PCDHGB2: variants seen among roughly 807,000 people sequenced by gnomAD.
The protein encoded by PCDHGB2 is protocadherin gamma subfamily B, 2.
In PCDHGB2, 55 loss-of-function variants were observed where a neutral mutation model predicts 59.3. That is an observed-to-expected ratio of 0.93 (90% CI 0.75 to 1.16). The LOEUF is 1.16. Ranked by LOEUF, PCDHGB2 falls within the 50% of genes most tolerant of loss-of-function variation. The pLI, the probability that PCDHGB2 is intolerant of heterozygous loss-of-function variation, is 0.00. For synonymous variants in PCDHGB2, 516 were observed against 512.0 expected (o/e 1.01, Z -0.11); for missense variants, 1,228 against 1,198.5 (o/e 1.02, Z -0.36).
chr5:141,427,810 G>T, intron 1 of PCDHGB2: 1 of 1,523,990 alleles, frequency 6.6e-7, no homozygotes, highest in Non-Finnish European at 9.0e-7. Flanking sequence ...AGCGCACAGA[G>T]CGGGGTGGTG....
At chr5:141,510,910 A>T (rs780792326) in intron 3 of PCDHGB2, 37 bp from the exon 4 acceptor site, 1 of 1,613,740 alleles carries the variant, frequency 6.2e-7, no homozygotes, top group East Asian at 2.2e-5. Flanking sequence ...GAGGACCCTA[A>T]GTTTAGCTCC....
chr5:141,414,648 T>G (rs2095770464), intron 1 of PCDHGB2: 2 of 1,613,844 alleles, frequency 1.2e-6, no homozygotes, highest in Non-Finnish European at 1.7e-6. Context: ...ATGCCCAGAT[T>G]ATTTACTCCC....
chr5:141,392,759 T>C, intron 1 of PCDHGB2: 1 of 1,473,194 alleles, frequency 6.8e-7, no homozygotes, highest in Non-Finnish European at 9.0e-7. Flanking sequence ...AGAAACTAAA[T>C]AAGACCCATT....
intron 1 of PCDHGB2, chr5:141,389,263 C>G (rs1285877712): frequency 6.2e-7 from 1 of 1,614,028 alleles, no homozygotes; most frequent in Admixed American, 1.7e-5. Flanking sequence ...GTCCACGTGG[C>G]CGAGAACAAC....
intron 1 of PCDHGB2, among the ~76,000 whole-genome samples, chr5:141,472,422 C>T (rs1328468154): frequency 6.6e-6 from 1 of 152,008 alleles, no homozygotes; most frequent in East Asian, 1.9e-4. Flanking sequence ...GCACCTGTAT[C>T]CCAGCTACTA....
intron 1 of PCDHGB2, among the ~76,000 whole-genome samples, chr5:141,459,534 T>G (rs980917458): frequency 1.3e-5 from 2 of 151,990 alleles, no homozygotes; most frequent in African/African-American, 2.4e-5. Flanking sequence ...TGTAGGCATA[T>G]TTTTTTTATT....
intron 1 of PCDHGB2, among the ~76,000 whole-genome samples, chr5:141,456,668 T>G (rs2098874996): frequency 1.3e-5 from 2 of 152,254 alleles, no homozygotes; most frequent in Admixed American, 6.5e-5. Context: ...ATGTTTCATT[T>G]AAAAATGCAT....
Position 141,489,934 on chromosome 5 carries a change from G to A in PCDHGB2, c.2422-4873G>A, listed in dbSNP as rs777780708. 1.7e-5 allele frequency: 28 copies of A among 1,614,176 alleles called. No homozygotes were observed. Among genetic ancestry groups the A allele is most frequent in the East Asian group, 6.7e-5 (3 of 44,876 alleles). On this transcript the variant is annotated intron_variant, in intron 1 of 3. Coordinates refer to ENST00000522605, the MANE Select transcript of PCDHGB2 (RefSeq NM_018923.3). This position sits in a 1 kb window ranked among gnomAD's most constrained non-coding sequence, Gnocchi z 4.5. ...AGGGACCACCCTTATCTCTGTCATCGTGCTGGACATCAATGATAATGCTCC... is the reference window on the plus strand; with the variant it reads ...AGGGACCACCCTTATCTCTGTCATCATGCTGGACATCAATGATAATGCTCC...
intron 1 of PCDHGB2, among the ~76,000 whole-genome samples, chr5:141,406,833 A>G (rs776807611): frequency 3.9e-5 from 6 of 152,238 alleles, no homozygotes; most frequent in Non-Finnish European, 4.4e-5. Flanking sequence ...ATGAACTTGC[A>G]TATCAGATAT....
intron 1 of PCDHGB2, chr5:141,413,604 C>T: frequency 5.6e-6 from 9 of 1,613,818 alleles, no homozygotes; most frequent in Non-Finnish European, 7.6e-6. Flanking sequence ...AAAATCTAGA[C>T]GTAAAAATTA....
At chr5:141,510,272 T>TAA (rs546154379) in intron 3 of PCDHGB2, among the ~76,000 whole-genome samples, 3,403 of 130,344 alleles carry the variant, frequency 0.026, 48 homozygotes, top group East Asian at 0.043. Context: ...GACTCCATCT[T>TAA]AAAAAAAAAA....
At position 141,485,221 on chromosome 5, in the gene PCDHGB2, C is replaced by A; in HGVS notation, c.2422-9586C>A. 4 of 1,614,118 alleles carry A rather than the reference C, an allele frequency of 2.5e-6. No individual in the cohort carries two copies. The highest frequency in any genetic ancestry group is 2.2e-5 in the East Asian group (1 of 44,868). ...GGACAGAAATCTGGCGGTGGGCTAC[C>A]CTTTTGTTCCTCTTTTACCACCTGG... On this transcript the variant is annotated intron_variant, in intron 1 of 3. Coordinates refer to ENST00000522605, the MANE Select transcript of PCDHGB2 (RefSeq NM_018923.3). The surrounding 1 kb of genome is among the most constrained non-coding windows in gnomAD (Gnocchi z 5.7).
In PCDHGB2 at chr5:141,380,448, A is replaced by G. The variant is rs145941690; in HGVS notation, c.2421+17892A>G. Among the ~76,000 whole-genome samples, 6 of 152,354 alleles carry G rather than the reference A, an allele frequency of 3.9e-5. No homozygotes were observed. The East Asian group carries it at 1.2e-3, about 29-fold the overall frequency. ...TAGACTTTACATAGAATTCTTTTTA[A>G]TGCAACCAAACAAATGGTCAGGATT... On this transcript the variant is annotated intron_variant, in intron 1 of 3. Coordinates refer to ENST00000522605, the MANE Select transcript of PCDHGB2 (RefSeq NM_018923.3).
chr5:141,489,253 A>T lies in PCDHGB2; in HGVS notation c.2422-5554A>T. 1 of 1,547,506 alleles carries T rather than the reference A, an allele frequency of 6.5e-7. No individual in the cohort carries two copies. The highest frequency in any genetic ancestry group is 2.3e-5 in the East Asian group (1 of 44,418). ...GGACTTCTGGGTCATGGGGCCCAAG[A>T]CACTCCCACAGCTCGCTGGGAAATG... On this transcript the variant is annotated intron_variant, in intron 1 of 3. Coordinates refer to ENST00000522605, the MANE Select transcript of PCDHGB2 (RefSeq NM_018923.3). This position sits in a 1 kb window ranked among gnomAD's most constrained non-coding sequence, Gnocchi z 4.5.
intron 1 of PCDHGB2, chr5:141,389,481 C>G (rs372276550): frequency 3.7e-5 from 60 of 1,612,962 alleles, no homozygotes; most frequent in African/African-American, 8.0e-5. Flanking sequence ...ACTGCAGGCC[C>G]GCGACCAGGG....
chr5:141,423,525 G>A (rs1014975146), intron 1 of PCDHGB2: 8 of 1,613,710 alleles, frequency 5.0e-6, no homozygotes, highest in African/African-American at 2.7e-5. Context: ...ACTCGCAGAA[G>A]AGTCACCTGA....
chr5:141,419,375 T>G (rs755252910), intron 1 of PCDHGB2: 1 of 1,613,728 alleles, frequency 6.2e-7, no homozygotes, highest in Admixed American at 1.7e-5. Context: ...GTCCTACGTG[T>G]CCGTGAGCGC....
At position 141,370,360 on chromosome 5, in the gene PCDHGB2, C is replaced by T. The variant is rs775816151; in HGVS notation, c.2421+7804C>T. 2.2e-5 allele frequency: 34 copies of T among 1,516,792 alleles called. No homozygotes were observed. In the South Asian group the frequency reaches 4.3e-4, roughly 19 times the overall value. The allele number at this position is 1,516,792 out of a possible 1,614,324, so 94.0% of individuals were successfully genotyped here. Reference sequence around the variant, plus strand: ...TGGGATTATTTAAAGATCTCCTCTCCTCGGATTTAGAAAGGCAAAGGCGCA... The same window carrying T: ...TGGGATTATTTAAAGATCTCCTCTCTTCGGATTTAGAAAGGCAAAGGCGCA... On this transcript the variant is annotated intron_variant, in intron 1 of 3. Transcript: ENST00000522605.
At chr5:141,488,687 GA>G (rs1238909682) in intron 1 of PCDHGB2, among the ~76,000 whole-genome samples, 1 of 152,192 alleles carries the variant, frequency 6.6e-6, no homozygotes, top group East Asian at 1.9e-4. Flanking sequence ...GCCTCTCCCA[GA>G]AGGACAAGAT....
Sources: allele counts gnomAD v4.1 joint callset (sites outside exome capture counted in the v4.1 genomes callset), GRCh38; gene constraint gnomAD v4.1.1; non-coding constraint Gnocchi (gnomAD v3.1); transcripts MANE v1.5; gene names NCBI Gene and HGNC (gene_info 2026-07-23, HGNC 2026-07-21).